Variants in DENND2C observed in about 807,000 individuals in gnomAD.
DENND2C encodes the protein DENN domain-containing protein 2C.
A neutral mutation model predicts 112.4 loss-of-function variants in DENND2C; 72 were observed. The observed-to-expected ratio is 0.64, with a 90% CI of 0.53 to 0.78. The LOEUF is 0.78. DENND2C is among the 30% of genes least tolerant of loss of function. The probability of loss-of-function intolerance (pLI) is 0.00; values close to 1 mark genes in which losing one functional copy is unlikely to be tolerated. For missense variants in DENND2C, 992 were observed against 1,113.8 expected (o/e 0.89, Z 1.56); for synonymous variants, 329 against 381.6 (o/e 0.86, Z 1.61).
At chr1:114,645,779 T>A (rs1174748064) in intron 2 of DENND2C, among the ~76,000 whole-genome samples, 3 of 152,210 alleles carry the variant, frequency 2.0e-5, no homozygotes, top group Admixed American at 6.5e-5. Flanking sequence ...TAAAAATTTT[T>A]AACAAACTGA....
intron 1 of DENND2C, among the ~76,000 whole-genome samples, chr1:114,657,185 T>A (rs376051683): frequency 1.3e-5 from 2 of 152,228 alleles, no homozygotes; most frequent in East Asian, 1.9e-4. Flanking sequence ...TCTTTTTAAT[T>A]TTAGCCATTC....
chr1:114,657,333 G>T (rs1657362379), intron 1 of DENND2C, among the ~76,000 whole-genome samples: 1 of 151,920 alleles, frequency 6.6e-6, no homozygotes, highest in South Asian at 2.1e-4. Context: ...TATTTTTTAA[G>T]ATTATTTTTA....
chr1:114,625,022 C>T (rs1328428603), intron 4 of DENND2C, among the ~76,000 whole-genome samples, 157 bp downstream of exon 4: 5 of 152,132 alleles, frequency 3.3e-5, no homozygotes. Flanking sequence ...ACTTTTTTCA[C>T]TTCTTATTTT....
chr1:114,602,107 C>T lies in DENND2C; in HGVS notation c.1737+18G>A. 6.2e-7 allele frequency: 1 copy of T among 1,613,294 alleles called. No homozygotes were observed. Among genetic ancestry groups the T allele is most frequent in the Non-Finnish European group, 8.5e-7 (1 of 1,179,498 alleles). ...ATTCCTTGACCAACCCTGTCTGTAA[C>T]ACAAATCTGATACTTACCAAGAGCT... On this transcript the variant is annotated intron_variant, in intron 12 of 20. Transcript: ENST00000393274.
At chr1:114,601,640 A>C (rs913645860) in intron 12 of DENND2C, 55 bp from the exon 13 acceptor site, 4 of 1,486,084 alleles carry the variant, frequency 2.7e-6, no homozygotes, top group Non-Finnish European at 3.7e-6. Flanking sequence ...ATTTTTATTA[A>C]TACTAATTTG....
Position 114,635,359 on chromosome 1 carries a change from A to C in DENND2C, c.-204-9171T>G, listed in dbSNP as rs552216249. ...ATGAGTATTAATGAAATAGATGAAC[A>C]TAGGATAAAAATCAATGAAACAAAA... is the stretch of plus-strand genomic sequence containing the variant. On this transcript the variant is annotated intron_variant, in intron 3 of 20. Transcript: ENST00000393274. Among the ~76,000 whole-genome samples, 11 of 150,684 alleles carry C rather than the reference A, an allele frequency of 7.3e-5. No homozygotes were observed. The South Asian group carries it at 1.5e-3, about 20-fold the overall frequency.
intron 11 of DENND2C, among the ~76,000 whole-genome samples, chr1:114,603,340 T>C (rs1393457011): frequency 6.6e-6 from 1 of 151,974 alleles, no homozygotes; most frequent in Non-Finnish European, 1.5e-5. Context: ...GGTTTAACTA[T>C]GTTGGCCAGG....
chr1:114,611,186 G>T, intron 8 of DENND2C, 69 bp from the exon 9 acceptor site: 1 of 1,567,698 alleles, frequency 6.4e-7, no homozygotes, highest in Non-Finnish European at 8.8e-7. Context: ...TGAGAACAAT[G>T]TAAACCCACA....
At chr1:114,665,368 T>C (rs1657619818) in intron 1 of DENND2C, among the ~76,000 whole-genome samples, 1 of 152,142 alleles carries the variant, frequency 6.6e-6, no homozygotes, top group Non-Finnish European at 1.5e-5. Flanking sequence ...TACGTTCTTG[T>C]GTAGCTGTGA....
intron 2 of DENND2C, among the ~76,000 whole-genome samples, chr1:114,648,789 C>T (rs568512280): frequency 1.9e-4 from 29 of 152,220 alleles, no homozygotes; most frequent in Non-Finnish European, 8.8e-5. Context: ...CACTCAGGCA[C>T]AACAGTCAAA....
chr1:114,611,061 T>A lies in DENND2C; in HGVS notation c.1369+12A>T, dbSNP rs200735520. The stretch of plus-strand genomic sequence containing the variant: ...ATCACAACAACGGGAGCAGCCCCAT[T>A]GACTCACTCACTCTTTGGCAGATAC... On this transcript the variant is annotated intron_variant, in intron 9 of 20. Transcript: ENST00000393274. 6.2e-7 allele frequency: 1 copy of A among 1,614,132 alleles called. No individual in the cohort carries two copies. Among genetic ancestry groups the A allele is most frequent in the South Asian group, 1.1e-5 (1 of 91,078 alleles).
At chr1:114,590,993 G>T (rs1010262960) in intron 18 of DENND2C, among the ~76,000 whole-genome samples, 7 of 151,608 alleles carry the variant, frequency 4.6e-5, no homozygotes, top group Non-Finnish European at 5.9e-5. Flanking sequence ...TTGAGACAGG[G>T]TCTTGCTCTA....
At position 114,608,834 on chromosome 1, in the gene DENND2C, T is replaced by C; in HGVS notation, c.1409A>G (p.Lys470Arg). Residue 470 changes from lysine (K) to arginine (R), a missense_variant, in exon 10 of 21, where the codon AAG becomes AGG. Lys to Arg is a conservative substitution (Grantham distance 26, BLOSUM62 2). This residue lies in a region of DENND2C where 516 missense variants were observed against 623.6 expected (regional missense o/e 0.83). Transcript: ENST00000393274. ...KRLAQLQPSSKRNPHYQTLER... is the reference protein window; with the variant it reads ...KRLAQLQPSSRRNPHYQTLER... Reference sequence around the variant, plus strand: ...CAAGGTCTGGTAGTGAGGATTCCTCTTGGAAGACGGTTGCAGTTGTGCTAA... The same window carrying C: ...CAAGGTCTGGTAGTGAGGATTCCTCCTGGAAGACGGTTGCAGTTGTGCTAA... 2 of 1,614,212 alleles carry C rather than the reference T, an allele frequency of 1.2e-6. No homozygotes were observed. The highest frequency in any genetic ancestry group is 1.7e-6 in the Non-Finnish European group (2 of 1,180,038).
In DENND2C at chr1:114,584,296, G is replaced by A. The variant is rs1654983184; in HGVS notation, c.*1304C>T. Reference sequence around the variant, plus strand: ...TTCCTTTTTTCTTTTTTTTGAGATGGAGTCTCGCTCTGTCACCCTGGCTGG... The same window carrying A: ...TTCCTTTTTTCTTTTTTTTGAGATGAAGTCTCGCTCTGTCACCCTGGCTGG... On this transcript the variant is annotated 3_prime_UTR_variant, in exon 21 of 21. Transcript: ENST00000393274. The A allele has an allele frequency of 6.6e-6, 1 of 151,558 alleles. No homozygotes were observed. Among genetic ancestry groups the A allele is most frequent in the African/African-American group, 2.4e-5 (1 of 41,170 alleles). The allele number at this position is 151,558 out of a possible 1,614,324, so 9.4% of individuals were successfully genotyped here.
At chr1:114,636,564 T>C (rs1656661604) in intron 3 of DENND2C, among the ~76,000 whole-genome samples, 1 of 151,804 alleles carries the variant, frequency 6.6e-6, no homozygotes, top group Non-Finnish European at 1.5e-5. Context: ...ACTTGGGAGA[T>C]TAAGGTGGGA....
At chr1:114,652,895 G>A (rs529937319) in intron 2 of DENND2C, among the ~76,000 whole-genome samples, 1 of 151,600 alleles carries the variant, frequency 6.6e-6, no homozygotes, top group Admixed American at 6.6e-5. Flanking sequence ...CTAATGCAAC[G>A]TAAATGCTAT....
intron 3 of DENND2C, among the ~76,000 whole-genome samples, chr1:114,645,048 T>G (rs1181657040): frequency 3.9e-5 from 6 of 152,226 alleles, no homozygotes; most frequent in African/African-American, 1.2e-4. Flanking sequence ...TAGTAACCAT[T>G]TCATTCTCAC....
intron 18 of DENND2C, among the ~76,000 whole-genome samples, chr1:114,591,780 C>G (rs1655196938): frequency 1.3e-5 from 2 of 151,592 alleles, no homozygotes; most frequent in South Asian, 4.1e-4. Context: ...TTTAAATTCA[C>G]TGGAATTAAT....
At chr1:114,592,057 G>T (rs978573498) in intron 18 of DENND2C, among the ~76,000 whole-genome samples, 1 of 151,854 alleles carries the variant, frequency 6.6e-6, no homozygotes, top group Admixed American at 6.6e-5. Flanking sequence ...GCTAATTTTT[G>T]TATTTTTAGT....
Sources: allele counts gnomAD v4.1 joint callset (sites outside exome capture counted in the v4.1 genomes callset), GRCh38; gene constraint gnomAD v4.1.1; regional missense constraint gnomAD v4.1.1; transcripts MANE v1.5; gene names NCBI Gene and HGNC (gene_info 2026-07-23, HGNC 2026-07-21).